The following MAGI1 variants were observed in gnomAD, a reference collection of about 807,000 sequenced individuals.
MAGI1 encodes membrane associated guanylate kinase, WW and PDZ domain containing 1, also known as membrane-associated guanylate kinase, WW and PDZ domain-containing protein 1.
MAGI1 carries 58 observed loss-of-function variants against 139.9 expected under a neutral mutation model. The ratio of observed to expected loss-of-function variants is 0.41; its 90% CI spans 0.34 to 0.52. The LOEUF is 0.52. MAGI1 is among the 20% of genes least tolerant of loss of function. The pLI, the probability that MAGI1 is intolerant of heterozygous loss-of-function variation, is 0.12. For synonymous variants in MAGI1, 812 were observed against 737.9 expected, an observed-to-expected ratio of 1.10 and a Z score of -1.63; for missense variants, 1,874 against 1,901.6, an observed-to-expected ratio of 0.99 and a Z score of 0.27.
At chr3:65,737,143 T>C (rs927190583) in intron 1 of MAGI1, among the ~76,000 whole-genome samples, 3 of 152,186 alleles carry the variant, frequency 2.0e-5, no homozygotes, top group African/African-American at 4.8e-5. Flanking sequence ...TAGCTGGGAC[T>C]ACAGGCACCG....
chr3:65,597,216 T>C (rs1169096439), intron 2 of MAGI1, among the ~76,000 whole-genome samples: 2 of 149,756 alleles, frequency 1.3e-5, no homozygotes, highest in African/African-American at 2.5e-5. Context: ...GGCTTTCATC[T>C]CCTCCTTTAC....
Position 65,425,135 on chromosome 3 carries a change from A to AAACC in MAGI1, c.2167+4384_2167+4385insGGTT, listed in dbSNP as rs1553642523. Reference sequence around the variant, plus strand: ...AAAAAAAAAAAAAAAAAAAAAAACAAAAAAAAACACACATGCCTAAACATC... The same window carrying AAACC: ...AAAAAAAAAAAAAAAAAAAAAAACAAAACCAAAAAAACACACATGCCTAAACATC... On this transcript the variant is annotated intron_variant, in intron 12 of 22. Coordinates refer to ENST00000402939, the MANE Select transcript of MAGI1 (RefSeq NM_001033057.2). Among the ~76,000 whole-genome samples, 10 of 87,782 alleles carry AAACC rather than the reference A, an allele frequency of 1.1e-4. No homozygotes were observed. In the Admixed American group the frequency reaches 1.6e-3, roughly 14 times the overall value. The allele number at this position is 87,782 out of a possible 152,430, so 57.6% of individuals were successfully genotyped here.
chr3:65,863,402 T>C (rs941771071), intron 1 of MAGI1, among the ~76,000 whole-genome samples: 6 of 152,206 alleles, frequency 3.9e-5, no homozygotes, highest in African/African-American at 1.4e-4. Context: ...ACACACTAGC[T>C]GGAATGAGTA....
At chr3:65,461,640 C>G (rs1949807193) in intron 5 of MAGI1, among the ~76,000 whole-genome samples, 1 of 151,906 alleles carries the variant, frequency 6.6e-6, no homozygotes, top group Non-Finnish European at 1.5e-5. Flanking sequence ...AGGCGCCCGC[C>G]ACCACGCCTG....
intron 1 of MAGI1, among the ~76,000 whole-genome samples, chr3:65,645,879 A>C (rs2107274882): frequency 6.6e-6 from 1 of 152,246 alleles, no homozygotes; most frequent in East Asian, 1.9e-4. Context: ...TGTAACACAT[A>C]AAGCAATACT....
intron 3 of MAGI1, among the ~76,000 whole-genome samples, chr3:65,492,209 T>C (rs527792281): frequency 6.6e-6 from 1 of 152,342 alleles, no homozygotes; most frequent in African/African-American, 2.4e-5. Flanking sequence ...TAGTTAATAG[T>C]ATCATTACAC....
Position 65,732,924 on chromosome 3 carries a change from G to A in MAGI1, c.314-110836C>T, listed in dbSNP as rs548333765. 2.6e-5 allele frequency among the ~76,000 whole-genome samples: 4 copies of A among 152,300 alleles called. No homozygotes were observed. In the South Asian group the frequency reaches 8.3e-4, roughly 32 times the overall value. ...AACTAGGTGTAAAATATCAGGGAAT[G>A]ATGAGGACTGTGGCAAACTGGGGAA... On this transcript the variant is annotated intron_variant, in intron 1 of 22. Transcript: ENST00000402939.
At chr3:65,596,175 A>G (rs749742928) in intron 2 of MAGI1, among the ~76,000 whole-genome samples, 2 of 152,198 alleles carry the variant, frequency 1.3e-5, no homozygotes, top group Non-Finnish European at 2.9e-5. Flanking sequence ...GATAAAAGAC[A>G]AGCTTTTCTC....
intron 3 of MAGI1, among the ~76,000 whole-genome samples, chr3:65,480,958 T>C (rs1420387952): frequency 1.3e-5 from 2 of 152,210 alleles, no homozygotes; most frequent in Non-Finnish European, 2.9e-5. Context: ...TCAAAATTTA[T>C]AGAGATACAC....
chr3:65,429,732 C>T lies in MAGI1; in HGVS notation c.1955G>A (p.Gly652Asp). 6.2e-7 allele frequency: 1 copy of T among 1,613,938 alleles called. No homozygotes were observed. Among genetic ancestry groups the T allele is most frequent in the Non-Finnish European group, 8.5e-7 (1 of 1,179,958 alleles). Residue 652 changes from glycine (G) to aspartate (D), a missense_variant, in exon 12 of 23, where the codon GGC becomes GAC. This residue lies in a region of MAGI1 where 482 missense variants were observed against 509.6 expected (regional missense o/e 0.95). Transcript: ENST00000402939. ...ACTGTCTGCGATAGTAAAACCAAAG[C>T]CCATTGGCCCTTTGACAATATGAAC... ...ITVHIVKGPMGFGFTIADSPG... is the reference protein window; with the variant it reads ...ITVHIVKGPMDFGFTIADSPG...
chr3:65,753,484 G>T (rs1172492155), intron 1 of MAGI1, among the ~76,000 whole-genome samples: 1 of 152,120 alleles, frequency 6.6e-6, no homozygotes, highest in Non-Finnish European at 1.5e-5. Flanking sequence ...ATTTTGGGAG[G>T]CCGAGGCGGG....
intron 1 of MAGI1, among the ~76,000 whole-genome samples, chr3:65,885,625 A>G (rs1262153842): frequency 6.6e-6 from 1 of 152,062 alleles, no homozygotes; most frequent in East Asian, 1.9e-4. Flanking sequence ...ATGATAGTGA[A>G]TAAGTATCAT....
intron 1 of MAGI1, among the ~76,000 whole-genome samples, chr3:65,841,199 G>A (rs551953511): frequency 1.7e-4 from 26 of 151,974 alleles, no homozygotes; most frequent in Admixed American, 1.1e-3. Flanking sequence ...CCAGATAACC[G>A]TCTATTTTAT....
At chr3:65,834,096 C>G (rs1337214884) in intron 1 of MAGI1, among the ~76,000 whole-genome samples, 6 of 152,126 alleles carry the variant, frequency 3.9e-5, no homozygotes, top group African/African-American at 1.2e-4. Context: ...ATGCCTAACA[C>G]CAGCTGATAG....
chr3:65,648,769 G>C (rs2085418035), intron 1 of MAGI1, among the ~76,000 whole-genome samples: 1 of 152,126 alleles, frequency 6.6e-6, no homozygotes, highest in African/African-American at 2.4e-5. Context: ...TTTTGAAACT[G>C]AAGAATAAAG....
chr3:65,709,371 C>G lies in MAGI1; in HGVS notation c.314-87283G>C, dbSNP rs547577991. ...ACAGAGCCTTCAAAAGTTTTAAGAA[C>G]AGGTATCTTTGAAGCTGTCTTTTGT... On this transcript the variant is annotated intron_variant, in intron 1 of 22. Coordinates refer to ENST00000402939, the MANE Select transcript of MAGI1 (RefSeq NM_001033057.2). Among the ~76,000 whole-genome samples the G allele has an allele frequency of 5.9e-5, 9 of 152,272 alleles. No individual in the cohort carries two copies. In the South Asian group the frequency reaches 1.9e-3, roughly 32 times the overall value.
intron 1 of MAGI1, among the ~76,000 whole-genome samples, chr3:65,839,192 A>G (rs1411734847): frequency 6.6e-6 from 1 of 152,030 alleles, no homozygotes; most frequent in East Asian, 1.9e-4. Flanking sequence ...AAAAATTCCT[A>G]TTGCCTAGTG....
chr3:65,639,406 A>G (rs770588542), intron 1 of MAGI1, among the ~76,000 whole-genome samples: 3 of 152,208 alleles, frequency 2.0e-5, no homozygotes, highest in African/African-American at 7.2e-5. Context: ...ATAACGAAAT[A>G]GAAGAACTCT....
At chr3:65,598,088 G>A (rs1455417348) in intron 2 of MAGI1, among the ~76,000 whole-genome samples, 1 of 152,184 alleles carries the variant, frequency 6.6e-6, no homozygotes, top group African/African-American at 2.4e-5. Flanking sequence ...TATTACTGGC[G>A]ACATTTCTAA....
Sources: allele counts gnomAD v4.1 joint callset (sites outside exome capture counted in the v4.1 genomes callset), GRCh38; gene constraint gnomAD v4.1.1; regional missense constraint gnomAD v4.1.1; transcripts MANE v1.5; gene names NCBI Gene and HGNC (gene_info 2026-07-23, HGNC 2026-07-21).